The following MID1 variants were observed in gnomAD, a reference collection of about 807,000 sequenced individuals.
MID1 encodes midline 1.
In MID1, 7 loss-of-function variants were observed where a neutral mutation model predicts 40.4. The observed-to-expected ratio is 0.17, with a 90% CI of 0.10 to 0.33. The LOEUF (loss-of-function observed/expected upper bound fraction) is 0.33. Ranked by LOEUF, MID1 falls within the 10% of genes least tolerant of loss-of-function variation. The pLI is 1.00. For synonymous variants in MID1, 229 were observed against 221.2 expected (o/e 1.04, Z -0.31); for missense variants, 367 against 558.5 (o/e 0.66, Z 3.46).
At chrX:10,677,993 G>T (rs1342182547) in intron 1 of MID1, among the ~76,000 whole-genome samples, 2 of 110,832 alleles carry the variant, frequency 1.8e-5, no homozygotes, top group African/African-American at 6.6e-5. Context: ...AGTAGGATGA[G>T]ATGAACATAC....
intron 2 of MID1, among the ~76,000 whole-genome samples, chrX:10,532,631 G>C (rs765459208): frequency 3.6e-5 from 4 of 112,380 alleles, no homozygotes; most frequent in African/African-American, 9.7e-5. Flanking sequence ...ACTAATAGTA[G>C]TTAATTATTT....
chrX:10,608,558 T>C (rs2147529167), intron 1 of MID1, among the ~76,000 whole-genome samples: 1 of 112,091 alleles, frequency 8.9e-6, no homozygotes, highest in South Asian at 3.8e-4. Flanking sequence ...GAACAGATGA[T>C]TACTGGTTTC....
intron 1 of MID1, among the ~76,000 whole-genome samples, chrX:10,784,677 C>G (rs778911859): frequency 2.7e-5 from 3 of 110,117 alleles, no homozygotes; most frequent in African/African-American, 9.9e-5. Context: ...AACTCCTGAC[C>G]TCTGGTAATC....
At chrX:10,807,830 A>T (rs2044058424) in intron 1 of MID1, among the ~76,000 whole-genome samples, 1 of 111,894 alleles carries the variant, frequency 8.9e-6, no homozygotes, top group African/African-American at 3.3e-5. Flanking sequence ...ACCTCATAAC[A>T]TTCAAAGGTT....
chrX:10,452,415 T>C, intron 9 of MID1, among the ~76,000 whole-genome samples: 1 of 112,340 alleles, frequency 8.9e-6, no homozygotes. Flanking sequence ...CATATTTCCA[T>C]TGAGCTTGAA....
At chrX:10,702,337 G>A (rs7876201) in intron 1 of MID1, among the ~76,000 whole-genome samples, 10,603 of 111,519 alleles carry the variant, frequency 0.095, 793 homozygotes, top group African/African-American at 0.25. Context: ...AAGAGTCCTA[G>A]GTTGAATTTG....
intron 2 of MID1, among the ~76,000 whole-genome samples, chrX:10,531,873 A>T (rs1470551915): frequency 8.9e-6 from 1 of 111,926 alleles, no homozygotes; most frequent in Non-Finnish European, 1.9e-5. Flanking sequence ...AAGAGAGGTG[A>T]GCAAATGACC....
chrX:10,684,044 A>G (rs1271020507), intron 1 of MID1, among the ~76,000 whole-genome samples: 1 of 110,419 alleles, frequency 9.1e-6, no homozygotes, highest in East Asian at 2.8e-4. Context: ...TGCTGGGATT[A>G]CAGGCATGAG....
intron 2 of MID1, among the ~76,000 whole-genome samples, chrX:10,540,095 G>A (rs1435391599): frequency 1.8e-5 from 2 of 112,257 alleles, no homozygotes; most frequent in Non-Finnish European, 3.8e-5. Context: ...CAGCTACTCA[G>A]GAGGCTGAGG....
chrX:10,598,174 G>A (rs1255224118), intron 1 of MID1, among the ~76,000 whole-genome samples: 1 of 112,053 alleles, frequency 8.9e-6, no homozygotes, highest in Non-Finnish European at 1.9e-5. Context: ...ACCAGGAGAT[G>A]GTGAAGGAAA....
At chrX:10,823,412 C>T (rs962415238) in intron 1 of MID1, among the ~76,000 whole-genome samples, 4 of 111,117 alleles carry the variant, frequency 3.6e-5, no homozygotes, top group African/African-American at 1.3e-4. Context: ...TGTAGCAAAC[C>T]ATCACGGCAC....
intron 1 of MID1, among the ~76,000 whole-genome samples, chrX:10,575,271 A>T (rs1934841962): frequency 8.9e-6 from 1 of 112,065 alleles, no homozygotes; most frequent in South Asian, 3.7e-4. Context: ...TAAAGACTGC[A>T]GAGTGATGTT....
chrX:10,655,197 T>G (rs2042862275), intron 1 of MID1, among the ~76,000 whole-genome samples: 1 of 110,527 alleles, frequency 9.0e-6, no homozygotes, highest in Non-Finnish European at 1.9e-5. Context: ...AGAGAAAAAA[T>G]GGAATCTAGG....
chrX:10,620,054 G>A (rs978827521), intron 1 of MID1, among the ~76,000 whole-genome samples: 1 of 112,387 alleles, frequency 8.9e-6, no homozygotes, highest in African/African-American at 3.2e-5. Context: ...ACGACTGCCT[G>A]ACATCAACCA....
chrX:10,780,149 A>G (rs1438828204), intron 1 of MID1, among the ~76,000 whole-genome samples: 1 of 110,349 alleles, frequency 9.1e-6, no homozygotes, highest in Non-Finnish European at 1.9e-5. Flanking sequence ...TATTTTTAGT[A>G]GATACGGGGT....
At position 10,704,420 on chromosome X, in the gene MID1, C is replaced by A. The variant is rs772922895; in HGVS notation, c.-186-84001G>T. 1.3e-3 allele frequency among the ~76,000 whole-genome samples: 142 copies of A among 109,770 alleles called. 1 individual carries two copies. The highest frequency in any genetic ancestry group is 6.1e-3 in the Admixed American group (61 of 10,079). On this transcript the variant is annotated intron_variant, in intron 1 of 10. Coordinates refer to the MID1 transcript ENST00000380785. ...TGTGTGGTGATTGTTAGTAACACATCAAAGGGAATAGCCATATTCAAAGTG... is the reference window on the plus strand; with the variant it reads ...TGTGTGGTGATTGTTAGTAACACATAAAAGGGAATAGCCATATTCAAAGTG...
At chrX:10,451,024 G>GGACTT (rs1307570682) in intron 9 of MID1, among the ~76,000 whole-genome samples, 2 of 111,489 alleles carry the variant, frequency 1.8e-5, no homozygotes, top group Non-Finnish European at 3.8e-5. Context: ...AAATCACACT[G>GGACTT]GACTTAAAAT....
At chrX:10,558,054 CCT>C (rs946140213) in intron 2 of MID1, among the ~76,000 whole-genome samples, 1 of 103,007 alleles carries the variant, frequency 9.7e-6, no homozygotes, top group Non-Finnish European at 1.9e-5. Flanking sequence ...TATACATTAA[CCT>C]CTCTCTCTTA....
chrX:10,719,024 T>C (rs1270591449), intron 1 of MID1, among the ~76,000 whole-genome samples: 1 of 111,754 alleles, frequency 8.9e-6, no homozygotes, highest in Non-Finnish European at 1.9e-5. Context: ...TCTCAATAAA[T>C]TAGGTATTGA....
Sources: gnomAD v4.1 joint callset for allele counts (sites outside exome capture counted in the v4.1 genomes callset) on GRCh38, gnomAD v4.1.1 for gene constraint, MANE v1.5 for transcripts, NCBI Gene and HGNC (gene_info 2026-07-23, HGNC 2026-07-21) for gene names.